BAIAP2L1: variants seen among roughly 807,000 people sequenced by gnomAD.
The protein encoded by BAIAP2L1 is BAR/IMD domain containing adaptor protein 2 like 1.
BAIAP2L1 carries 35 observed loss-of-function variants against 66.3 expected under a neutral mutation model. The observed-to-expected ratio is 0.53, with a 90% CI of 0.40 to 0.70. The LOEUF is 0.70. Among genes scored for constraint, BAIAP2L1 ranks in the 30% least tolerant of loss-of-function variants. The pLI, the probability that BAIAP2L1 is intolerant of heterozygous loss-of-function variation, is 0.00. For synonymous variants in BAIAP2L1, 269 were observed against 248.7 expected (o/e 1.08, Z -0.77); for missense variants, 622 against 656.9 (o/e 0.95, Z 0.58).
chr7:98,362,926 G>A (rs1055224787), intron 1 of BAIAP2L1, among the ~76,000 whole-genome samples: 2 of 151,976 alleles, frequency 1.3e-5, no homozygotes, highest in African/African-American at 4.8e-5. Flanking sequence ...TTATAGGGGT[G>A]TGGGCGGGGA....
chr7:98,347,036 C>A (rs1801887025), intron 3 of BAIAP2L1, among the ~76,000 whole-genome samples: 1 of 152,176 alleles, frequency 6.6e-6, no homozygotes, highest in East Asian at 1.9e-4. Context: ...CAAAACAAAA[C>A]TTCACCTTAA....
At chr7:98,326,361 G>A (rs1485100257) in intron 3 of BAIAP2L1, among the ~76,000 whole-genome samples, 1 of 152,212 alleles carries the variant, frequency 6.6e-6, no homozygotes. Flanking sequence ...GCATTGCCTG[G>A]ATCATTCCTC....
intron 7 of BAIAP2L1, among the ~76,000 whole-genome samples, chr7:98,314,656 C>T (rs1274124789): frequency 2.0e-5 from 3 of 152,132 alleles, no homozygotes; most frequent in East Asian, 3.9e-4. Flanking sequence ...GAGGAATGAA[C>T]GCATCACTGA....
chr7:98,305,146 C>T (rs1474927297), intron 11 of BAIAP2L1, among the ~76,000 whole-genome samples: 1 of 149,162 alleles, frequency 6.7e-6, no homozygotes, highest in Non-Finnish European at 1.5e-5. Flanking sequence ...CCGCCTCGGC[C>T]TCCCAAAGTG....
chr7:98,339,626 C>T (rs934973700), intron 3 of BAIAP2L1, among the ~76,000 whole-genome samples: 1 of 152,242 alleles, frequency 6.6e-6, no homozygotes, highest in Admixed American at 6.5e-5. Flanking sequence ...ATTCTAGCCG[C>T]ATCCATCTTT....
intron 2 of BAIAP2L1, among the ~76,000 whole-genome samples, chr7:98,362,086 T>G (rs192486318): frequency 2.3e-4 from 35 of 152,344 alleles, no homozygotes; most frequent in African/African-American, 8.2e-4. Context: ...TTATATTTGT[T>G]AGTTTACCAA....
intron 3 of BAIAP2L1, among the ~76,000 whole-genome samples, chr7:98,326,051 G>A (rs188936471): frequency 5.9e-5 from 9 of 152,332 alleles, no homozygotes; most frequent in Non-Finnish European, 1.0e-4. Flanking sequence ...AGTTTTGGGA[G>A]GCCAAGGCAA....
Position 98,400,821 on chromosome 7 carries a change from A to G in BAIAP2L1, c.32T>C (p.Leu11Pro). The G allele has an allele frequency of 1.3e-6, 2 of 1,547,772 alleles. No individual in the cohort carries two copies. Among genetic ancestry groups the G allele is most frequent in the East Asian group, 2.5e-5 (1 of 40,536 alleles). MSRGPEEVNR[L>P]TESTYRNVME... ...GCTTACCCGGTAGGTGCTCTCCGTG[A>G]GCCGGTTCACCTCCTCGGGCCCCCG... Residue 11 changes from leucine (L) to proline (P), a missense_variant, in exon 1 of 14, where the codon CTC becomes CCC. Physicochemically the swap from Leu to Pro is moderately conservative, Grantham distance 98. Coordinates refer to ENST00000005260, the MANE Select transcript of BAIAP2L1 (RefSeq NM_018842.5).
intron 6 of BAIAP2L1, among the ~76,000 whole-genome samples, chr7:98,316,542 T>C (rs1268343946): frequency 6.6e-6 from 1 of 152,218 alleles, no homozygotes; most frequent in Non-Finnish European, 1.5e-5. Context: ...TGATAGATTA[T>C]ATATTTATAG....
intron 3 of BAIAP2L1, among the ~76,000 whole-genome samples, chr7:98,328,067 C>G (rs996290183): frequency 3.3e-5 from 5 of 151,414 alleles, no homozygotes; most frequent in African/African-American, 1.2e-4. Flanking sequence ...CACAAATACA[C>G]CTTCATTTTA....
At chr7:98,395,012 G>C (rs1239498566) in intron 1 of BAIAP2L1, among the ~76,000 whole-genome samples, 1 of 152,062 alleles carries the variant, frequency 6.6e-6, no homozygotes, top group Non-Finnish European at 1.5e-5. Context: ...TCGGGAGGCT[G>C]AGACAGGAGA....
chr7:98,324,225 A>G (rs537971833), intron 3 of BAIAP2L1, among the ~76,000 whole-genome samples: 47 of 152,380 alleles, frequency 3.1e-4, no homozygotes, highest in Non-Finnish European at 2.9e-5. Context: ...TTCAGTCTGA[A>G]TAAGTGGCAA....
chr7:98,302,667 A>C (rs1050340609), intron 12 of BAIAP2L1, among the ~76,000 whole-genome samples: 1 of 152,234 alleles, frequency 6.6e-6, no homozygotes, highest in Admixed American at 6.5e-5. Context: ...TTCTACAAAG[A>C]GACTGCTAAG....
At chr7:98,352,638 T>C (rs946394899) in intron 3 of BAIAP2L1, among the ~76,000 whole-genome samples, 1 of 151,922 alleles carries the variant, frequency 6.6e-6, no homozygotes, top group South Asian at 2.1e-4. Context: ...TGAGGTTCCG[T>C]CTCAAAAAAA....
intron 1 of BAIAP2L1, among the ~76,000 whole-genome samples, chr7:98,378,975 G>A (rs757946011): frequency 6.6e-6 from 1 of 152,118 alleles, no homozygotes; most frequent in African/African-American, 2.4e-5. Context: ...GACTACAGGC[G>A]TCTGCCACCG....
chr7:98,323,673 G>A (rs149994174), intron 3 of BAIAP2L1, among the ~76,000 whole-genome samples: 9 of 152,346 alleles, frequency 5.9e-5, no homozygotes, highest in Admixed American at 2.0e-4. Flanking sequence ...GCAGCATGGC[G>A]GAGAGGCGCA....
chr7:98,356,627 G>T (rs1802124632), intron 2 of BAIAP2L1, among the ~76,000 whole-genome samples: 1 of 143,092 alleles, frequency 7.0e-6, no homozygotes, highest in South Asian at 2.2e-4. Context: ...CTCCCAAGTA[G>T]CTGGGACTAC....
At chr7:98,368,332 T>C (rs1207908793) in intron 1 of BAIAP2L1, among the ~76,000 whole-genome samples, 4 of 152,120 alleles carry the variant, frequency 2.6e-5, no homozygotes, top group Non-Finnish European at 4.4e-5. Context: ...GGCCGGAGAA[T>C]TGCTTGAATC....
chr7:98,389,127 T>C (rs1284713600), intron 1 of BAIAP2L1, among the ~76,000 whole-genome samples: 4 of 152,022 alleles, frequency 2.6e-5, no homozygotes, highest in African/African-American at 4.8e-5. Context: ...CAGGCAATTG[T>C]GTCAGACAGG....
Sources: allele counts gnomAD v4.1 joint callset (sites outside exome capture counted in the v4.1 genomes callset), GRCh38; gene constraint gnomAD v4.1.1; transcripts MANE v1.5; gene names NCBI Gene and HGNC (gene_info 2026-07-23, HGNC 2026-07-21).